The following TOX variants were observed in gnomAD, a reference collection of about 807,000 sequenced individuals.
TOX encodes the protein thymocyte selection-associated high mobility group box protein TOX.
Under a neutral mutation model 53.7 loss-of-function variants are expected in TOX, and 11 were observed. The ratio of observed to expected loss-of-function variants is 0.20; its 90% confidence interval spans 0.13 to 0.34. TOX has a LOEUF of 0.34. Among genes scored for constraint, TOX ranks in the 10% least tolerant of loss-of-function variants. TOX has a pLI of 1.00. For synonymous variants in TOX, 225 were observed against 245.3 expected, an observed-to-expected ratio of 0.92 and a Z score of 0.77; for missense variants, 570 against 664.6, an observed-to-expected ratio of 0.86 and a Z score of 1.56.
chr8:58,861,794 T>G (rs1389889681), intron 3 of TOX, among the ~76,000 whole-genome samples: 1 of 152,142 alleles, frequency 6.6e-6, no homozygotes, highest in Non-Finnish European at 1.5e-5. Context: ...CTTTCTCATA[T>G]TTTTCCACGG....
chr8:59,076,042 G>T (rs1173332139), intron 1 of TOX, among the ~76,000 whole-genome samples: 10 of 151,256 alleles, frequency 6.6e-5, no homozygotes, highest in Admixed American at 6.6e-4. Flanking sequence ...GGGCCTACAT[G>T]AGGGAGGGAA....
At chr8:59,062,864 T>G (rs946306226) in intron 1 of TOX, among the ~76,000 whole-genome samples, 5 of 152,080 alleles carry the variant, frequency 3.3e-5, no homozygotes, top group Non-Finnish European at 4.4e-5. Context: ...AACAATCAGG[T>G]CTATCATCAA....
At chr8:59,090,040 A>G (rs1375053757) in intron 1 of TOX, among the ~76,000 whole-genome samples, 6 of 152,232 alleles carry the variant, frequency 3.9e-5, no homozygotes, top group Middle Eastern at 3.2e-3. Context: ...GCACTATGGC[A>G]AGATACAAAA....
At position 58,806,968 on chromosome 8, in the gene TOX, T is replaced by C. The variant is rs1809988163; in HGVS notation, c.*779A>G. 6.6e-6 allele frequency: 1 copy of C among 152,616 alleles called. No homozygotes were observed. Among genetic ancestry groups the C allele is most frequent in the Non-Finnish European group, 1.5e-5 (1 of 68,028 alleles). 9.5% of individuals were successfully genotyped at this position (152,616 alleles called of 1,614,324 possible). On this transcript the variant is annotated 3_prime_UTR_variant, in exon 9 of 9. Transcript: ENST00000361421. ...ACCAGGTAAGCATTTGGCAGTTTTATACATAAAAGGACTTAAATGACATTT... is the reference window on the plus strand; with the variant it reads ...ACCAGGTAAGCATTTGGCAGTTTTACACATAAAAGGACTTAAATGACATTT...
At chr8:58,913,553 C>G (rs886564940) in intron 3 of TOX, among the ~76,000 whole-genome samples, 1 of 152,184 alleles carries the variant, frequency 6.6e-6, no homozygotes, top group Non-Finnish European at 1.5e-5. Context: ...TCTTCATTCT[C>G]TTGGTGCTTC....
At chr8:58,928,957 G>A (rs907646353) in intron 3 of TOX, among the ~76,000 whole-genome samples, 2 of 152,064 alleles carry the variant, frequency 1.3e-5, no homozygotes, top group African/African-American at 4.8e-5. Context: ...TTTTATTAAA[G>A]ATTATTAAGA....
At chr8:59,078,458 C>T (rs1183122069) in intron 1 of TOX, among the ~76,000 whole-genome samples, 3 of 152,128 alleles carry the variant, frequency 2.0e-5, no homozygotes, top group Non-Finnish European at 4.4e-5. Context: ...TGGCACTTGC[C>T]CCAACCCCCA....
At chr8:58,982,320 C>A (rs1325556313) in intron 1 of TOX, among the ~76,000 whole-genome samples, 1 of 152,184 alleles carries the variant, frequency 6.6e-6, no homozygotes, top group Non-Finnish European at 1.5e-5. Flanking sequence ...GCGTACACAC[C>A]CTCTTCTTGG....
chr8:59,021,476 A>AT (rs1814129804), intron 1 of TOX, among the ~76,000 whole-genome samples: 3 of 92,928 alleles, frequency 3.2e-5, no homozygotes, highest in East Asian at 2.9e-4. Flanking sequence ...AAAAAAAAAA[A>AT]AAAAAATATA....
At chr8:59,087,320 G>T (rs928733126) in intron 1 of TOX, among the ~76,000 whole-genome samples, 1 of 151,852 alleles carries the variant, frequency 6.6e-6, no homozygotes, top group African/African-American at 2.4e-5. Flanking sequence ...TTTGCCGAAG[G>T]TTAAAAAAAA....
chr8:58,863,865 G>T (rs528555683), intron 3 of TOX, among the ~76,000 whole-genome samples: 7 of 151,998 alleles, frequency 4.6e-5, no homozygotes, highest in Non-Finnish European at 1.0e-4. Flanking sequence ...AAGTCAAAGG[G>T]GATTAATTGC....
chr8:58,825,132 T>C (rs1468398259), intron 6 of TOX, among the ~76,000 whole-genome samples: 1 of 152,164 alleles, frequency 6.6e-6, no homozygotes, highest in African/African-American at 2.4e-5. Flanking sequence ...GCTGGAAAAT[T>C]TTCTGATGAT....
intron 1 of TOX, among the ~76,000 whole-genome samples, chr8:59,038,258 A>G (rs1418350469): frequency 6.6e-6 from 1 of 152,226 alleles, no homozygotes; most frequent in Non-Finnish European, 1.5e-5. Context: ...TCCTTTCATA[A>G]TTTATGGCTA....
chr8:58,873,843 A>C (rs1328073400), intron 3 of TOX, among the ~76,000 whole-genome samples: 2 of 151,790 alleles, frequency 1.3e-5, no homozygotes, highest in Non-Finnish European at 2.9e-5. Context: ...CAGAGATTCC[A>C]TGAATATTGG....
chr8:58,971,942 T>C (rs1448945121), intron 1 of TOX, among the ~76,000 whole-genome samples: 1 of 152,204 alleles, frequency 6.6e-6, no homozygotes, highest in Non-Finnish European at 1.5e-5. Flanking sequence ...CCACCTGCCT[T>C]GGCCTCCCAA....
chr8:58,967,047 TG>T (rs1812916771), intron 1 of TOX, among the ~76,000 whole-genome samples: 1 of 152,058 alleles, frequency 6.6e-6, no homozygotes, highest in African/African-American at 2.4e-5. Flanking sequence ...GCTAATTTTT[TG>T]TATTTTTAGT....
At chr8:59,026,598 T>C (rs993431805) in intron 1 of TOX, among the ~76,000 whole-genome samples, 1 of 152,160 alleles carries the variant, frequency 6.6e-6, no homozygotes, top group African/African-American at 2.4e-5. Flanking sequence ...GAATCCACTA[T>C]TATTGTCAGT....
chr8:59,107,576 A>C (rs1804937162), intron 1 of TOX, among the ~76,000 whole-genome samples: 1 of 152,182 alleles, frequency 6.6e-6, no homozygotes, highest in Non-Finnish European at 1.5e-5. Flanking sequence ...CCTGACCATT[A>C]ACAGTCATGA....
chr8:58,820,284 A>C (rs932473505), intron 6 of TOX, among the ~76,000 whole-genome samples: 2 of 152,066 alleles, frequency 1.3e-5, no homozygotes, highest in Non-Finnish European at 2.9e-5. Flanking sequence ...CGTTAAAAAA[A>C]AAAAAGGTTT....
Sources: gnomAD v4.1 joint callset for allele counts (sites outside exome capture counted in the v4.1 genomes callset) on GRCh38, gnomAD v4.1.1 for gene constraint, MANE v1.5 for transcripts, NCBI Gene and HGNC (gene_info 2026-07-23, HGNC 2026-07-21) for gene names.